CENATAC: variants seen among roughly 807,000 people sequenced by gnomAD.
The protein encoded by CENATAC is centrosomal AT-AC splicing factor.
In CENATAC, 53 loss-of-function variants were observed where a neutral mutation model predicts 53.7. That is an observed-to-expected ratio of 0.99 (90% confidence interval 0.79 to 1.24). CENATAC has a LOEUF of 1.24. Among genes scored for constraint, CENATAC ranks in the 50% most tolerant of loss-of-function variants. The pLI is 0.00. For missense variants in CENATAC, 474 were observed against 417.8 expected (o/e 1.13, Z -1.17); for synonymous variants, 156 against 144.6 (o/e 1.08, Z -0.57).
intron 3 of CENATAC, among the ~76,000 whole-genome samples, chr11:119,008,018 G>C (rs556857112): frequency 7.3e-5 from 11 of 150,940 alleles, no homozygotes; most frequent in South Asian, 4.2e-4. Flanking sequence ...CCCAGTGTGA[G>C]TTGTGGGATA....
chr11:119,006,941 T>TAA (rs1942633004), intron 3 of CENATAC, among the ~76,000 whole-genome samples: 1 of 152,208 alleles, frequency 6.6e-6, no homozygotes, highest in African/African-American at 2.4e-5. Flanking sequence ...GCCTTTCACC[T>TAA]TCTGCTGTGA....
At chr11:119,009,891 A>T (rs1271912030) in intron 3 of CENATAC, 1 of 152,158 alleles carries the variant, frequency 6.6e-6, no homozygotes, top group Non-Finnish European at 1.5e-5. Flanking sequence ...GATGCCTGTA[A>T]TCCCAGTTCT....
At chr11:119,007,270 G>A (rs1942650403) in intron 3 of CENATAC, among the ~76,000 whole-genome samples, 1 of 151,812 alleles carries the variant, frequency 6.6e-6, no homozygotes. Flanking sequence ...TGCAACCTCC[G>A]CCTCCCAGGT....
chr11:119,012,332 A>G lies in CENATAC; in HGVS notation c.684+78A>G, dbSNP rs1034475140. 3.3e-6 allele frequency: 5 copies of G among 1,508,016 alleles called. No individual in the cohort carries two copies. In the East Asian group the frequency reaches 7.0e-5, roughly 21 times the overall value. 93.4% of individuals were successfully genotyped at this position (1,508,016 alleles called of 1,614,324 possible). Reference sequence around the variant, plus strand: ...ACCCCTTTCTCCTGATTTTCTACCTATTCAAGCCACTGCTGCCTCCACTGC... The same window carrying G: ...ACCCCTTTCTCCTGATTTTCTACCTGTTCAAGCCACTGCTGCCTCCACTGC... On this transcript the variant is annotated intron_variant, in intron 7 of 10. Transcript: ENST00000334418.
At chr11:119,011,351 C>A in intron 5 of CENATAC, 68 bp downstream of exon 5, 3 of 1,421,880 alleles carry the variant, frequency 2.1e-6, no homozygotes, top group Non-Finnish European at 3.0e-6. Flanking sequence ...CCAGGTCCAG[C>A]ATTTCATGGA....
intron 5 of CENATAC, 78 bp from the exon 6 acceptor site, chr11:119,011,861 G>T (rs1349523652): frequency 8.2e-7 from 1 of 1,221,698 alleles, no homozygotes; most frequent in East Asian, 2.3e-5. Flanking sequence ...GTGATACTGG[G>T]GTCTGGAGGG....
Position 118,998,150 on chromosome 11 carries a change from A to G in CENATAC, c.-48A>G, listed in dbSNP as rs782816183. On this transcript the variant is annotated 5_prime_UTR_variant, in exon 1 of 11. It removes an upstream start codon present in the reference 5' UTR. Coordinates refer to ENST00000334418, the MANE Select transcript of CENATAC (RefSeq NM_198489.3). ...AGGGGTCAGGGTCAGAGGCCGCCGG[A>G]TGGCGTAGGATCGGCCGCTGGTGGT... 1 of 1,554,034 alleles carries G rather than the reference A, an allele frequency of 6.4e-7. No homozygotes were observed. Among genetic ancestry groups the G allele is most frequent in the Non-Finnish European group, 8.7e-7 (1 of 1,153,256 alleles).
chr11:119,002,681 G>GTT (rs10718631), intron 3 of CENATAC, among the ~76,000 whole-genome samples: 39 of 142,396 alleles, frequency 2.7e-4, no homozygotes, highest in African/African-American at 9.5e-4. Context: ...TAAGCTGTTG[G>GTT]TTTTTTTTTT....
At chr11:119,001,299 T>C (rs781805847) in intron 3 of CENATAC, among the ~76,000 whole-genome samples, 3 of 152,254 alleles carry the variant, frequency 2.0e-5, no homozygotes, top group African/African-American at 2.4e-5. Context: ...TATACAGTTA[T>C]GTAATATTGC....
In CENATAC at chr11:119,001,019, A is replaced by G. The variant is rs377155936; in HGVS notation, c.383+1910A>G. On this transcript the variant is annotated intron_variant, in intron 3 of 10. Transcript: ENST00000334418. ...CAATTCAGCTTTTTCTTGTAATGTC[A>G]TGACTTTTCTCTGCTTCTTTGGAGT... 2.4e-3 allele frequency among the ~76,000 whole-genome samples: 360 copies of G among 152,272 alleles called. 1 individual carries two copies. Among genetic ancestry groups the G allele is most frequent in the Non-Finnish European group, 3.8e-3 (260 of 68,022 alleles).
chr11:119,003,277 T>C (rs9645664), intron 3 of CENATAC: 131,650 of 526,796 alleles, frequency 0.25, 17,778 homozygotes, highest in African/African-American at 0.34. Flanking sequence ...TCTTAAGATA[T>C]TTGCACTGCC....
At position 119,013,233 on chromosome 11, in the gene CENATAC, A is replaced by G; in HGVS notation, c.686A>G (p.Asp229Gly). The change falls in exon 8 of 11, where the codon GAT becomes GGT. Residue 229 changes from aspartate to glycine, a missense_variant and splice_region_variant. Coordinates refer to ENST00000334418, the MANE Select transcript of CENATAC (RefSeq NM_198489.3). The stretch of plus-strand genomic sequence containing the variant: ...TTTTTTTCCCATTTCCAACTACAGG[A>G]TATACCAGGAGTTGGTAACATCCAC... ...GPSLTFIGHQ[D>G]IPGVGNIHSG... The G allele has an allele frequency of 6.2e-7, 1 of 1,608,626 alleles. No individual in the cohort carries two copies.
chr11:119,015,771 A>AT lies in CENATAC; in HGVS notation c.*175dup. The AT allele has an allele frequency of 4.5e-6, 6 of 1,322,968 alleles. No homozygotes were observed. Among genetic ancestry groups the AT allele is most frequent in the Non-Finnish European group, 6.4e-6 (6 of 932,380 alleles). The allele number at this position is 1,322,968 out of a possible 1,614,324, so 82.0% of individuals were successfully genotyped here. ...CAGCTGGTTGGACCTGTAAAAAAAA[A>AT]TTAAAAGAATCAGAACCATAAAGCT... On this transcript the variant is annotated 3_prime_UTR_variant, in exon 11 of 11. Transcript: ENST00000334418.
At chr11:119,004,700 C>G (rs978885971) in intron 3 of CENATAC, 2 of 153,798 alleles carry the variant, frequency 1.3e-5, no homozygotes, top group Non-Finnish European at 2.9e-5. Context: ...GAGGTTGAAC[C>G]TGCAGTGAGC....
intron 2 of CENATAC, 138 bp from the exon 3 acceptor site, chr11:118,998,872 GA>G: frequency 2.8e-6 from 2 of 713,106 alleles, no homozygotes; most frequent in Non-Finnish European, 4.7e-6. Flanking sequence ...AGATCTTGAA[GA>G]GATGGTAACA....
At position 119,003,667 on chromosome 11, in the gene CENATAC, AGGCTGGAGT is replaced by A. The variant is rs1324090618; in HGVS notation, c.383+4562_383+4570del. On this transcript the variant is annotated intron_variant, in intron 3 of 10. Coordinates refer to ENST00000334418, the MANE Select transcript of CENATAC (RefSeq NM_198489.3). ...GAGACAGAGTCTTGTTCTGTTGCCC[AGGCTGGAGT>A]GGCATGATCTTGGCTCACTGCAACC... The A allele has an allele frequency of 5.6e-5, 9 of 160,634 alleles. No individual in the cohort carries two copies. In the South Asian group the frequency reaches 8.8e-4, roughly 16 times the overall value. The allele number at this position is 160,634 out of a possible 1,614,324, so 10.0% of individuals were successfully genotyped here.
chr11:119,006,403 AT>A (rs1942600512), intron 3 of CENATAC, among the ~76,000 whole-genome samples: 3 of 151,924 alleles, frequency 2.0e-5, no homozygotes, highest in Admixed American at 2.0e-4. Context: ...TGCCTGGCTA[AT>A]TTTTTGTATT....
In CENATAC at chr11:119,008,485, A is replaced by C. The variant is rs528323255; in HGVS notation, c.384-2279A>C. Among the ~76,000 whole-genome samples, 86 of 152,314 alleles carry C rather than the reference A, an allele frequency of 5.6e-4. 2 individuals are homozygous for C. The South Asian group carries it at 0.016, about 28-fold the overall frequency. ...ACATCTCAGTGGAGTAAAGACTACAAGGCAGTATCACTGTAAACATGTCTC... is the reference window on the plus strand; with the variant it reads ...ACATCTCAGTGGAGTAAAGACTACACGGCAGTATCACTGTAAACATGTCTC... On this transcript the variant is annotated intron_variant, in intron 3 of 10. Transcript: ENST00000334418.
intron 3 of CENATAC, among the ~76,000 whole-genome samples, chr11:118,999,843 C>A (rs973479416): frequency 6.6e-6 from 1 of 152,128 alleles, no homozygotes; most frequent in African/African-American, 2.4e-5. Flanking sequence ...GGGGTTTCAC[C>A]GTGTTAGCCA....
Sources: allele counts gnomAD v4.1 joint callset (sites outside exome capture counted in the v4.1 genomes callset), GRCh38; gene constraint gnomAD v4.1.1; transcripts MANE v1.5; gene names NCBI Gene and HGNC (gene_info 2026-07-23, HGNC 2026-07-21).